Variants in NAV2 observed in about 807,000 individuals in gnomAD.
NAV2 encodes helicase, APC down-regulated 1.
Under a neutral mutation model 223.2 loss-of-function variants are expected in NAV2, and 54 were observed. The ratio of observed to expected loss-of-function variants is 0.24; its 90% CI spans 0.19 to 0.30. NAV2 has a LOEUF of 0.30. Among genes scored for constraint, NAV2 ranks in the 10% least tolerant of loss-of-function variants. The pLI is 1.00. For synonymous variants in NAV2, 1,279 were observed against 1,239.3 expected, an observed-to-expected ratio of 1.03 and a Z score of -0.67; for missense variants, 2,806 against 3,147.5, an observed-to-expected ratio of 0.89 and a Z score of 2.60.
At chr11:19,855,303 C>G (rs1351644366) in intron 3 of NAV2, among the ~76,000 whole-genome samples, 1 of 152,110 alleles carries the variant, frequency 6.6e-6, no homozygotes, top group Non-Finnish European at 1.5e-5. Flanking sequence ...AAAACTGAAG[C>G]TTAGGGAAAT....
chr11:19,848,012 C>G (rs2060898545), intron 3 of NAV2, among the ~76,000 whole-genome samples: 1 of 152,200 alleles, frequency 6.6e-6, no homozygotes, highest in Non-Finnish European at 1.5e-5. Context: ...ATTTTGCATA[C>G]AACCTGAGCA....
At chr11:20,012,535 C>T (rs541327321) in intron 11 of NAV2, among the ~76,000 whole-genome samples, 1 of 152,146 alleles carries the variant, frequency 6.6e-6, no homozygotes, top group East Asian at 1.9e-4. Flanking sequence ...ATTAGCCGGG[C>T]ACAGTGGCAC....
At chr11:19,393,852 A>ATAT (rs1446158658) in intron 1 of NAV2, among the ~76,000 whole-genome samples, 1 of 148,062 alleles carries the variant, frequency 6.8e-6, no homozygotes, top group Non-Finnish European at 1.5e-5. Flanking sequence ...TTTTGGCTCC[A>ATAT]TATTATTACT....
rs140915187 is a variant in NAV2, at chr11:19,723,965, A to G, written c.267+10003A>G. ...GTGTGCAAGCTTTGATCGTTAGAAG[A>G]CAAGCCTTGAAGGAAAAAACCTCCA... On this transcript the variant is annotated intron_variant, in intron 1 of 37. Coordinates refer to ENST00000349880, the MANE Select transcript of NAV2 (RefSeq NM_145117.5). 1.4e-4 allele frequency among the ~76,000 whole-genome samples: 22 copies of G among 152,364 alleles called. 1 individual carries two copies. Among genetic ancestry groups the G allele is most frequent in the South Asian group, 1.2e-3 (6 of 4,824 alleles).
At position 19,886,571 on chromosome 11, in the gene NAV2, T is replaced by G. The variant is rs182488597; in HGVS notation, c.771-5863T>G. Among the ~76,000 whole-genome samples the G allele has an allele frequency of 6.8e-4, 104 of 152,236 alleles. 2 individuals are homozygous for G. The East Asian group carries it at 0.013, about 19-fold the overall frequency. On this transcript the variant is annotated intron_variant, in intron 5 of 37. Coordinates refer to ENST00000349880, the MANE Select transcript of NAV2 (RefSeq NM_145117.5). ...AGGTTGAATGTCACACAAATGCACA[T>G]ACATAGGAAAGGAAAGGGGAGGGAT...
chr11:19,990,104 G>A (rs374875028), intron 11 of NAV2, among the ~76,000 whole-genome samples: 123 of 152,310 alleles, frequency 8.1e-4, no homozygotes, highest in African/African-American at 2.8e-3. Flanking sequence ...CATGGACCGT[G>A]CGAGTGGGCT....
intron 6 of NAV2, among the ~76,000 whole-genome samples, chr11:19,928,656 C>T (rs1269963685): frequency 2.0e-5 from 3 of 152,344 alleles, no homozygotes; most frequent in East Asian, 1.9e-4. Flanking sequence ...CATACCTTGA[C>T]CCAGCCGGTT....
At chr11:20,013,779 AT>A (rs2053774591) in intron 11 of NAV2, among the ~76,000 whole-genome samples, 1 of 152,160 alleles carries the variant, frequency 6.6e-6, no homozygotes, top group African/African-American at 2.4e-5. Context: ...AGGCAAATGA[AT>A]TTTCTTTTGA....
intron 1 of NAV2, among the ~76,000 whole-genome samples, chr11:19,652,548 C>G (rs1309974057): frequency 1.5e-4 from 23 of 152,206 alleles, no homozygotes; most frequent in Admixed American, 1.5e-3. Context: ...TTTCTTCCCC[C>G]CACTCCACGC....
At chr11:19,588,282 A>G (rs1269522597) in intron 1 of NAV2, among the ~76,000 whole-genome samples, 1 of 152,214 alleles carries the variant, frequency 6.6e-6, no homozygotes, top group Non-Finnish European at 1.5e-5. Context: ...TGATTTCATT[A>G]CAGAGAAATT....
At chr11:19,487,442 C>T (rs1315621753) in intron 1 of NAV2, among the ~76,000 whole-genome samples, 1 of 152,178 alleles carries the variant, frequency 6.6e-6, no homozygotes, top group Non-Finnish European at 1.5e-5. Context: ...TTCTAACTTG[C>T]TTCCATATGA....
intron 1 of NAV2, among the ~76,000 whole-genome samples, chr11:19,825,238 G>A (rs2059584655): frequency 7.8e-6 from 1 of 128,938 alleles, no homozygotes; most frequent in African/African-American, 2.9e-5. Context: ...GTTGCAGTGA[G>A]CCAAGATCAC....
At chr11:19,417,554 A>G (rs1198734234) in intron 1 of NAV2, among the ~76,000 whole-genome samples, 2 of 152,258 alleles carry the variant, frequency 1.3e-5, no homozygotes, top group African/African-American at 4.8e-5. Flanking sequence ...TCAAGGATCT[A>G]GAACAAGAAA....
intron 2 of NAV2, among the ~76,000 whole-genome samples, chr11:19,837,377 T>C (rs1408198177): frequency 1.3e-5 from 2 of 152,202 alleles, no homozygotes; most frequent in African/African-American, 4.8e-5. Context: ...TGCTGAAATC[T>C]AGAGGGGGAA....
chr11:19,915,488 C>G (rs917255464), intron 6 of NAV2, among the ~76,000 whole-genome samples: 2 of 152,168 alleles, frequency 1.3e-5, no homozygotes, highest in Non-Finnish European at 2.9e-5. Context: ...CTGCCATATC[C>G]AATAGTATGT....
chr11:19,908,715 A>G (rs763284011), intron 6 of NAV2, among the ~76,000 whole-genome samples: 49 of 152,254 alleles, frequency 3.2e-4, no homozygotes, highest in Non-Finnish European at 5.7e-4. Flanking sequence ...TTGAGCAGCC[A>G]GTGAGTCTGC....
chr11:19,703,763 C>T (rs977192078), intron 1 of NAV2, among the ~76,000 whole-genome samples: 6 of 152,200 alleles, frequency 3.9e-5, no homozygotes, highest in East Asian at 1.9e-4. Flanking sequence ...GCCTTTGCAG[C>T]GCTTCATAAA....
intron 1 of NAV2, among the ~76,000 whole-genome samples, chr11:19,784,473 A>T (rs1007661903): frequency 2.0e-5 from 3 of 147,942 alleles, no homozygotes; most frequent in African/African-American, 5.0e-5. Flanking sequence ...AGTAATTATT[A>T]TTATTATTAT....
chr11:20,043,926 G>A (rs2057197003), intron 12 of NAV2, 55 bp from the exon 13 acceptor site: 1 of 1,563,896 alleles, frequency 6.4e-7, no homozygotes, highest in Non-Finnish European at 8.8e-7. Flanking sequence ...TTGGAGTGAG[G>A]GGCTTCCCAG....
Sources: gnomAD v4.1 joint callset for allele counts (sites outside exome capture counted in the v4.1 genomes callset) on GRCh38, gnomAD v4.1.1 for gene constraint, MANE v1.5 for transcripts, NCBI Gene and HGNC (gene_info 2026-07-23, HGNC 2026-07-21) for gene names.